The following POLR3A variants were observed in gnomAD, a reference collection of about 807,000 sequenced individuals.
POLR3A encodes RNA polymerase III subunit A.
In POLR3A, 112 loss-of-function variants were observed where a neutral mutation model predicts 152.8. That is an observed-to-expected ratio of 0.73 (90% CI 0.63 to 0.86). The LOEUF is 0.86. Among genes scored for constraint, POLR3A ranks in the 40% least tolerant of loss-of-function variants. The pLI, the probability that POLR3A is intolerant of heterozygous loss-of-function variation, is 0.00. For missense variants in POLR3A, 1,385 were observed against 1,743.1 expected (o/e 0.79, Z 3.66); for synonymous variants, 615 against 652.1 (o/e 0.94, Z 0.87).
chr10:77,991,265 A>G (rs1366204168), intron 20 of POLR3A, 98 bp from the exon 21 acceptor site: 1 of 751,080 alleles, frequency 1.3e-6, no homozygotes, highest in African/African-American at 1.7e-5. Context: ...ACCTTACCCA[A>G]GGTGAGCTTT....
intron 8 of POLR3A, 57 bp downstream of exon 8, chr10:78,021,489 T>C (rs1847578911): frequency 1.9e-6 from 3 of 1,593,726 alleles, no homozygotes; most frequent in Non-Finnish European, 8.6e-7. Flanking sequence ...AATACCAAAA[T>C]ATAACGTAAA....
At chr10:78,029,019 G>C (rs1439637779) in intron 1 of POLR3A, among the ~76,000 whole-genome samples, 1 of 152,124 alleles carries the variant, frequency 6.6e-6, no homozygotes, top group African/African-American at 2.4e-5. Flanking sequence ...CCCCGCCCCA[G>C]ATTGCTCCCC....
At position 78,026,086 on chromosome 10, in the gene POLR3A, G is replaced by A. The variant is rs200247412; in HGVS notation, c.180+8C>T. On this transcript the variant is annotated splice_region_variant and intron_variant, in intron 2 of 30. Transcript: ENST00000372371. ...ACACAGTTACCAGGAGGGGTGAGGG[G>A]GCCTTACCATCCTATGGTCGAGCAC... 27 of 1,613,798 alleles carry A rather than the reference G, an allele frequency of 1.7e-5. No individual in the cohort carries two copies. Among genetic ancestry groups the A allele is most frequent in the Non-Finnish European group, 1.9e-5 (22 of 1,179,922 alleles).
chr10:78,026,452 C>T (rs950573276), intron 1 of POLR3A, among the ~76,000 whole-genome samples: 3 of 152,206 alleles, frequency 2.0e-5, no homozygotes, highest in South Asian at 2.1e-4. Flanking sequence ...ACAGTGCTCA[C>T]CAAGGCCACC....
intron 27 of POLR3A, 39 bp downstream of exon 27, chr10:77,982,614 G>C (rs751631676): frequency 2.5e-6 from 4 of 1,593,286 alleles, no homozygotes; most frequent in Non-Finnish European, 3.4e-6. Context: ...ACACCACAGG[G>C]AGATGCTGGG....
chr10:77,993,837 T>C (rs911806628), intron 19 of POLR3A, among the ~76,000 whole-genome samples: 7 of 152,134 alleles, frequency 4.6e-5, no homozygotes, highest in Non-Finnish European at 8.8e-5. Flanking sequence ...AGGGACAGTA[T>C]TGTGTCTGAA....
At chr10:77,991,429 T>TGC (rs1320058561) in intron 20 of POLR3A, among the ~76,000 whole-genome samples, 2 of 152,176 alleles carry the variant, frequency 1.3e-5, no homozygotes, top group Non-Finnish European at 2.9e-5. Context: ...GCCACCCCAC[T>TGC]GCCCCCCACC....
chr10:78,026,042 G>C, intron 2 of POLR3A, 52 bp downstream of exon 2: 3 of 1,608,760 alleles, frequency 1.9e-6, no homozygotes, highest in Non-Finnish European at 2.6e-6. Context: ...TAAGTCACCA[G>C]TTTTATCAGC....
At chr10:78,015,497 T>G (rs1847514338) in intron 10 of POLR3A, among the ~76,000 whole-genome samples, 1 of 151,846 alleles carries the variant, frequency 6.6e-6, no homozygotes, top group South Asian at 2.1e-4. Context: ...CCGGCTAATT[T>G]TTTGTATTTT....
chr10:78,002,330 C>T, intron 16 of POLR3A, 22 bp from the exon 17 acceptor site: 1 of 1,431,396 alleles, frequency 7.0e-7, no homozygotes, highest in Non-Finnish European at 9.7e-7. Context: ...AAAGGAGATC[C>T]TTGGTGGGTT....
rs576526960 is a variant in POLR3A at position 78,001,428 on chromosome 10, A to G, written c.2360-334T>C. Reference sequence around the variant, plus strand: ...ATAAAGGGAGAGGGGGAGGAATTCCAAAGTGGGTGGGAAAGTAGGAAGCAA... The same window carrying G: ...ATAAAGGGAGAGGGGGAGGAATTCCGAAGTGGGTGGGAAAGTAGGAAGCAA... On this transcript the variant is annotated intron_variant, in intron 17 of 30. Transcript: ENST00000372371. 3.9e-5 allele frequency among the ~76,000 whole-genome samples: 6 copies of G among 152,238 alleles called. No homozygotes were observed. In the South Asian group the frequency reaches 1.2e-3, roughly 32 times the overall value.
intron 10 of POLR3A, among the ~76,000 whole-genome samples, chr10:78,014,466 GA>G (rs1847500125): frequency 6.6e-6 from 1 of 152,096 alleles, no homozygotes; most frequent in Admixed American, 6.5e-5. Flanking sequence ...GTCCTGGCTG[GA>G]GTGCAATGGT....
At chr10:77,998,372 C>T (rs908912202) in intron 19 of POLR3A, among the ~76,000 whole-genome samples, 10 of 152,240 alleles carry the variant, frequency 6.6e-5, no homozygotes, top group South Asian at 2.1e-4. Context: ...AGGCAACCTA[C>T]AGAATGGGAG....
intron 18 of POLR3A, 39 bp downstream of exon 18, chr10:78,000,937 A>C: frequency 9.8e-7 from 1 of 1,024,818 alleles, no homozygotes; most frequent in Non-Finnish European, 1.5e-6. Context: ...GTGTAGATTA[A>C]GAGATCTTCA....
At position 78,028,793 on chromosome 10, in the gene POLR3A, G is replaced by A. The variant is rs113929919; in HGVS notation, c.44+571C>T. ...GCTGGGATTACAGGAGTAAGCCACCGCGCCCGGCTGGATTCACTTTCTTAC... is the reference window on the plus strand; with the variant it reads ...GCTGGGATTACAGGAGTAAGCCACCACGCCCGGCTGGATTCACTTTCTTAC... On this transcript the variant is annotated intron_variant, in intron 1 of 30. Coordinates refer to ENST00000372371, the MANE Select transcript of POLR3A (RefSeq NM_007055.4). 5.1e-4 allele frequency among the ~76,000 whole-genome samples: 78 copies of A among 152,100 alleles called. 2 individuals are homozygous for A. The highest frequency in any genetic ancestry group is 1.7e-3 in the African/African-American group (71 of 41,490).
intron 7 of POLR3A, 76 bp downstream of exon 7, chr10:78,021,784 A>G: frequency 6.2e-7 from 1 of 1,610,178 alleles, no homozygotes; most frequent in South Asian, 1.1e-5. Context: ...CTCCAATCAG[A>G]GAAGCTGGAC....
chr10:77,986,349 G>C (rs1847198410), intron 21 of POLR3A, among the ~76,000 whole-genome samples, 190 bp from the exon 22 acceptor site: 1 of 152,124 alleles, frequency 6.6e-6, no homozygotes, highest in South Asian at 2.1e-4. Flanking sequence ...ACACCACACT[G>C]TCCATACCCC....
chr10:78,003,523 A>C (rs1847379194), intron 16 of POLR3A, among the ~76,000 whole-genome samples: 1 of 152,158 alleles, frequency 6.6e-6, no homozygotes, highest in Non-Finnish European at 1.5e-5. Context: ...TTGAGATCTT[A>C]GCTAAAATAG....
chr10:77,982,724 C>A lies in POLR3A; in HGVS notation c.3523G>T (p.Val1175Phe). 6.2e-7 allele frequency: 1 copy of A among 1,613,746 alleles called. No individual in the cohort carries two copies. Among genetic ancestry groups the A allele is most frequent in the Non-Finnish European group, 8.5e-7 (1 of 1,179,714 alleles). The part of the protein sequence containing the change: ...VAVHGEAVVC[V>F]TPRENSKSSM... ...CTCTTGCTGTTCTCTCTGGGGGTGA[C>A]ACACACCACAGCCTCACCATGAACA... The change falls in exon 27 of 31, where the codon GTC becomes TTC. Residue 1175 changes from valine to phenylalanine, a missense_variant. Physicochemically the swap from Val to Phe is conservative, Grantham distance 50. Transcript: ENST00000372371.
Sources: gnomAD v4.1 joint callset for allele counts (sites outside exome capture counted in the v4.1 genomes callset) on GRCh38, gnomAD v4.1.1 for gene constraint, MANE v1.5 for transcripts, NCBI Gene and HGNC (gene_info 2026-07-23, HGNC 2026-07-21) for gene names.